The following NDRG1 variants were observed in gnomAD, a reference collection of about 807,000 sequenced individuals.
NDRG1 encodes protein NDRG1.
NDRG1 carries 32 observed loss-of-function variants against 56.9 expected under a neutral mutation model. The observed-to-expected ratio is 0.56, with a 90% CI of 0.42 to 0.76. NDRG1 has a LOEUF of 0.76. Ranked by LOEUF, NDRG1 falls within the 30% of genes least tolerant of loss-of-function variation. The probability of loss-of-function intolerance (pLI) is 0.00; values close to 1 mark genes in which losing one functional copy is unlikely to be tolerated. For synonymous variants in NDRG1, 211 were observed against 204.1 expected, an observed-to-expected ratio of 1.03 and a Z score of -0.29; for missense variants, 507 against 545.7, an observed-to-expected ratio of 0.93 and a Z score of 0.71.
Position 133,246,670 on chromosome 8 carries a change from A to C in NDRG1, c.808-7T>G. Reference sequence around the variant, plus strand: ...ATTTTGAGTTGCACTCCACCTGCACAAGAGGGAGGAAATCTGTTAATTTTC... The same window carrying C: ...ATTTTGAGTTGCACTCCACCTGCACCAGAGGGAGGAAATCTGTTAATTTTC... On this transcript the variant is annotated splice_region_variant and splice_polypyrimidine_tract_variant and intron_variant, in intron 12 of 15. Coordinates refer to ENST00000323851, the MANE Select transcript of NDRG1 (RefSeq NM_006096.4). 6.2e-7 allele frequency: 1 copy of C among 1,614,030 alleles called. No homozygotes were observed. Among genetic ancestry groups the C allele is most frequent in the Non-Finnish European group, 8.5e-7 (1 of 1,179,914 alleles).
intron 3 of NDRG1, among the ~76,000 whole-genome samples, chr8:133,271,226 G>T (rs1857171208): frequency 6.6e-6 from 1 of 152,114 alleles, no homozygotes; most frequent in Non-Finnish European, 1.5e-5. Context: ...TGGGCTTGGT[G>T]ACCCTCCCTC....
At chr8:133,248,017 C>A in intron 11 of NDRG1, 91 bp from the exon 12 acceptor site, 2 of 1,263,516 alleles carry the variant, frequency 1.6e-6, no homozygotes, top group Non-Finnish European at 1.2e-6. Context: ...CTGCATTCTA[C>A]AAACAATGTC....
intron 15 of NDRG1, chr8:133,239,538 G>C (rs1472011226): frequency 3.8e-6 from 1 of 264,292 alleles, no homozygotes; most frequent in Non-Finnish European, 7.5e-6. Context: ...GAGGACACCT[G>C]GGGTCAGTGG....
At chr8:133,269,055 A>G (rs1185037823) in intron 3 of NDRG1, among the ~76,000 whole-genome samples, 1 of 152,108 alleles carries the variant, frequency 6.6e-6, no homozygotes, top group African/African-American at 2.4e-5. Flanking sequence ...GGGATCAATC[A>G]CTCAGTGTTC....
intron 1 of NDRG1, among the ~76,000 whole-genome samples, chr8:133,292,223 G>A (rs1363392242): frequency 3.9e-5 from 6 of 152,228 alleles, no homozygotes; most frequent in Non-Finnish European, 8.8e-5. Flanking sequence ...AACGGAGCCA[G>A]TGTTAGCAGA....
At chr8:133,292,093 G>A (rs946820109) in intron 1 of NDRG1, among the ~76,000 whole-genome samples, 1 of 152,214 alleles carries the variant, frequency 6.6e-6, no homozygotes, top group African/African-American at 2.4e-5. Context: ...CTGAGGGGAC[G>A]AGGTGAATAA....
chr8:133,279,753 A>C (rs1857675189), intron 3 of NDRG1, among the ~76,000 whole-genome samples: 1 of 152,168 alleles, frequency 6.6e-6, no homozygotes. Flanking sequence ...CTGAGAGCCT[A>C]TTCTTGGACA....
intron 1 of NDRG1, among the ~76,000 whole-genome samples, chr8:133,294,672 G>GA (rs577302976): frequency 1.2e-3 from 132 of 107,404 alleles, no homozygotes; most frequent in African/African-American, 5.9e-3. Flanking sequence ...CTTCTGTCAT[G>GA]GGGGGGGGGC....
At chr8:133,274,369 A>C (rs1857348386) in intron 3 of NDRG1, among the ~76,000 whole-genome samples, 1 of 152,138 alleles carries the variant, frequency 6.6e-6, no homozygotes, top group African/African-American at 2.4e-5. Flanking sequence ...TGGTAAAGGA[A>C]GTAGGAATCT....
At chr8:133,272,461 TCAAG>T (rs1218700020) in intron 3 of NDRG1, among the ~76,000 whole-genome samples, 2 of 151,514 alleles carry the variant, frequency 1.3e-5, no homozygotes, top group African/African-American at 4.9e-5. Context: ...CCCAGGGAGG[TCAAG>T]CGAGTGGCCA....
At chr8:133,280,090 G>A in intron 3 of NDRG1, 142 bp downstream of exon 3, 1 of 934,396 alleles carries the variant, frequency 1.1e-6, no homozygotes, top group South Asian at 1.4e-5. Context: ...AGCAGCTGAG[G>A]GTGAGGACCT....
At chr8:133,275,857 C>T (rs553970094) in intron 3 of NDRG1, among the ~76,000 whole-genome samples, 37 of 152,184 alleles carry the variant, frequency 2.4e-4, no homozygotes, top group Non-Finnish European at 3.8e-4. Context: ...CGTAAGCACA[C>T]GTGGGGCACA....
rs994259747 is a variant in NDRG1 at position 133,262,176 on chromosome 8, C to G, written c.206-9G>C. 1.2e-6 allele frequency: 2 copies of G among 1,613,168 alleles called. No individual in the cohort carries two copies. The highest frequency in any genetic ancestry group is 1.7e-6 in the Non-Finnish European group (2 of 1,179,932). ...GTTGTAGCAGGTTTTGTCTGAAGAA[C>G]AGCAGTGAGGGAGAGAAGAGAAAAA... is the stretch of plus-strand genomic sequence containing the variant. On this transcript the variant is annotated splice_polypyrimidine_tract_variant and intron_variant, in intron 4 of 15. Transcript: ENST00000323851.
At chr8:133,246,022 G>A (rs539088941) in intron 13 of NDRG1, among the ~76,000 whole-genome samples, 3 of 152,174 alleles carry the variant, frequency 2.0e-5, no homozygotes, top group Non-Finnish European at 2.9e-5. Context: ...CCCAGGTCCC[G>A]CCTGGTCATC....
intron 3 of NDRG1, 125 bp from the exon 4 acceptor site, chr8:133,264,777 C>G: frequency 1.2e-6 from 1 of 814,590 alleles, no homozygotes; most frequent in Non-Finnish European, 2.1e-6. Flanking sequence ...CCATAAGAGC[C>G]CCGGCTTCGG....
Position 133,263,954 on chromosome 8 carries a change from G to GAAAGAAT in NDRG1, c.205+592_205+593insATTCTTT, listed in dbSNP as rs1327924484. 1.0e-4 allele frequency among the ~76,000 whole-genome samples: 15 copies of GAAAGAAT among 147,638 alleles called. 1 individual carries two copies. In the East Asian group the frequency reaches 2.8e-3, roughly 27 times the overall value. ...AAAAGAAAGAAAGAAAAAGAAAAAA[G>GAAAGAAT]AACGAATAAAGTGTGGTAAATCCAT... On this transcript the variant is annotated intron_variant, in intron 4 of 15. Transcript: ENST00000323851.
At chr8:133,255,483 G>A (rs1856319803) in intron 8 of NDRG1, 1 of 422,618 alleles carries the variant, frequency 2.4e-6, no homozygotes, top group South Asian at 1.7e-5. Flanking sequence ...CAATCCTCAG[G>A]CTTCACATTA....
At chr8:133,286,296 A>G (rs1260507417) in intron 1 of NDRG1, among the ~76,000 whole-genome samples, 1 of 152,204 alleles carries the variant, frequency 6.6e-6, no homozygotes, top group Non-Finnish European at 1.5e-5. Flanking sequence ...CTGGAAAACA[A>G]ATTCTACATT....
At position 133,264,643 on chromosome 8, in the gene NDRG1, T is replaced by A. The variant is rs200046476; in HGVS notation, c.109A>T (p.Ile37Phe). 2.8e-5 allele frequency: 45 copies of A among 1,614,084 alleles called. No homozygotes were observed. The highest frequency in any genetic ancestry group is 3.6e-5 in the Non-Finnish European group (42 of 1,180,018). The stretch of plus-strand genomic sequence containing the variant: ...TGAACAGAGCCATGTAAAGTCTCGA[T>A]GTCCTGCTCCTGAGGAGACACAGCA... ...LQEFDVQEQD[I>F]ETLHGSVHVT... The change falls in exon 4 of 16, where the codon ATC becomes TTC. Residue 37 changes from isoleucine (I) to phenylalanine (F), a missense_variant. Ile to Phe is a conservative substitution (Grantham distance 21, BLOSUM62 0). Coordinates refer to ENST00000323851, the MANE Select transcript of NDRG1 (RefSeq NM_006096.4).
Sources: allele counts gnomAD v4.1 joint callset (sites outside exome capture counted in the v4.1 genomes callset), GRCh38; gene constraint gnomAD v4.1.1; transcripts MANE v1.5; gene names NCBI Gene and HGNC (gene_info 2026-07-23, HGNC 2026-07-21).